The following STAU2 variants were observed in gnomAD, a reference collection of about 807,000 sequenced individuals.
The protein encoded by STAU2 is double-stranded RNA-binding protein Staufen homolog 2.
A neutral mutation model predicts 65.9 loss-of-function variants in STAU2; 20 were observed. The ratio of observed to expected loss-of-function variants is 0.30; its 90% CI spans 0.21 to 0.44. STAU2 has a LOEUF of 0.44. Among genes scored for constraint, STAU2 ranks in the 20% least tolerant of loss-of-function variants. The pLI is 1.00. For synonymous variants in STAU2, 232 were observed against 233.9 expected, an observed-to-expected ratio of 0.99 and a Z score of 0.07; for missense variants, 558 against 683.9, an observed-to-expected ratio of 0.82 and a Z score of 2.05.
chr8:73,476,971 T>C (rs1820355042), intron 13 of STAU2, among the ~76,000 whole-genome samples: 1 of 152,218 alleles, frequency 6.6e-6, no homozygotes, highest in African/African-American at 2.4e-5. Context: ...AATGTGAAGT[T>C]AATTCATTCA....
intron 4 of STAU2, among the ~76,000 whole-genome samples, chr8:73,692,209 T>C (rs1374427261): frequency 6.6e-6 from 1 of 151,970 alleles, no homozygotes; most frequent in Non-Finnish European, 1.5e-5. Flanking sequence ...TTTTTTTTTT[T>C]TTCCCCGGAG....
At chr8:73,454,165 C>T (rs750369908) in intron 13 of STAU2, among the ~76,000 whole-genome samples, 6 of 152,074 alleles carry the variant, frequency 3.9e-5, no homozygotes, top group South Asian at 2.1e-4. Context: ...AAAGGAATTC[C>T]GTTCCCCAAT....
At chr8:73,679,796 GAGA>G (rs1818274484) in intron 5 of STAU2, among the ~76,000 whole-genome samples, 1 of 151,366 alleles carries the variant, frequency 6.6e-6, no homozygotes, top group Non-Finnish European at 1.5e-5. Flanking sequence ...GCTGAGGCAG[GAGA>G]ATTGCTTGAG....
chr8:73,548,068 C>T (rs750609000), intron 13 of STAU2, among the ~76,000 whole-genome samples: 10 of 151,968 alleles, frequency 6.6e-5, no homozygotes, highest in Non-Finnish European at 1.2e-4. Flanking sequence ...GGGACTTGAG[C>T]GTCCATGAAC....
chr8:73,744,791 G>C (rs1807158904), intron 1 of STAU2, among the ~76,000 whole-genome samples: 1 of 152,270 alleles, frequency 6.6e-6, no homozygotes, highest in South Asian at 2.1e-4. Context: ...GTGTGATAGA[G>C]AGCAAATAAT....
chr8:73,602,743 AC>A (rs1256401575), intron 10 of STAU2, among the ~76,000 whole-genome samples: 6 of 151,414 alleles, frequency 4.0e-5, no homozygotes, highest in African/African-American at 1.5e-4. Context: ...AAAAAAAAAA[AC>A]AAAAAATTAA....
intron 12 of STAU2, among the ~76,000 whole-genome samples, chr8:73,562,395 A>G (rs1190761461): frequency 6.6e-6 from 1 of 152,170 alleles, no homozygotes; most frequent in East Asian, 1.9e-4. Context: ...CTGAGGTAGG[A>G]GGATCCCTTG....
At chr8:73,432,732 C>T (rs553953551) in intron 13 of STAU2, among the ~76,000 whole-genome samples, 2 of 152,280 alleles carry the variant, frequency 1.3e-5, no homozygotes, top group South Asian at 4.1e-4. Context: ...ATAGCCTGCA[C>T]TTTTTATTCA....
rs570723948 is a variant in STAU2 at position 73,681,220 on chromosome 8, C to T, written c.274+7434G>A. On this transcript the variant is annotated intron_variant, in intron 5 of 14. Coordinates refer to ENST00000524300, the MANE Select transcript of STAU2 (RefSeq NM_001164380.2). ...AATCTTAAGATCTGTGAGGCAAAAG[C>T]ACCAGGTAACCTATAAAGAAAAACC... Among the ~76,000 whole-genome samples, 46 of 152,162 alleles carry T rather than the reference C, an allele frequency of 3.0e-4. No individual in the cohort carries two copies. In the South Asian group the frequency reaches 9.1e-3, roughly 30 times the overall value.
intron 13 of STAU2, among the ~76,000 whole-genome samples, chr8:73,444,350 G>C (rs1227498087): frequency 1.3e-5 from 2 of 150,268 alleles, no homozygotes; most frequent in Non-Finnish European, 2.9e-5. Flanking sequence ...AGGTTGCAGT[G>C]AGCCGAGATC....
intron 13 of STAU2, among the ~76,000 whole-genome samples, chr8:73,513,907 A>G (rs962633572): frequency 1.3e-5 from 2 of 152,128 alleles, no homozygotes; most frequent in Non-Finnish European, 1.5e-5. Context: ...GGGGGATGGG[A>G]GCACCCGCAG....
At chr8:73,480,682 C>T (rs901967679) in intron 13 of STAU2, among the ~76,000 whole-genome samples, 2 of 152,094 alleles carry the variant, frequency 1.3e-5, no homozygotes, top group Non-Finnish European at 2.9e-5. Flanking sequence ...ACTGTAATTG[C>T]AAACTCAAAT....
At chr8:73,425,182 T>G (rs1816709950) in intron 13 of STAU2, among the ~76,000 whole-genome samples, 1 of 152,202 alleles carries the variant, frequency 6.6e-6, no homozygotes, top group African/African-American at 2.4e-5. Flanking sequence ...GAATGGGGCC[T>G]TATAGAATGT....
intron 12 of STAU2, among the ~76,000 whole-genome samples, chr8:73,554,453 T>C (rs1807569713): frequency 6.6e-6 from 1 of 152,180 alleles, no homozygotes; most frequent in Admixed American, 6.5e-5. Context: ...AGCTAAGGCA[T>C]TGGATGCGTG....
intron 6 of STAU2, among the ~76,000 whole-genome samples, chr8:73,654,488 C>A (rs1310811751): frequency 2.0e-5 from 3 of 150,976 alleles, no homozygotes; most frequent in African/African-American, 7.3e-5. Flanking sequence ...CCCATCTCTA[C>A]AAAAAATAAA....
chr8:73,662,766 G>A (rs1319935815), intron 6 of STAU2, among the ~76,000 whole-genome samples: 1 of 152,042 alleles, frequency 6.6e-6, no homozygotes, highest in African/African-American at 2.4e-5. Context: ...ACAGGCATGC[G>A]CCACCATGCC....
rs546033833 is a variant in STAU2 at position 73,628,071 on chromosome 8, A to T, written c.411-10620T>A. Among the ~76,000 whole-genome samples the T allele has an allele frequency of 1.7e-3, 260 of 149,858 alleles. 1 individual carries two copies. In the Middle Eastern group the frequency reaches 0.02, roughly 12 times the overall value. On this transcript the variant is annotated intron_variant, in intron 6 of 14. Transcript: ENST00000524300. ...AGTTCAAAAACATACAATTTTTTTT[A>T]AAATGTAAGTTTTTTTTTTTTGAAA...
intron 12 of STAU2, among the ~76,000 whole-genome samples, chr8:73,556,194 G>A (rs1471950046): frequency 6.6e-6 from 1 of 152,018 alleles, no homozygotes; most frequent in Non-Finnish European, 1.5e-5. Flanking sequence ...TATATGAACT[G>A]TTTCTTAAAA....
intron 3 of STAU2, among the ~76,000 whole-genome samples, chr8:73,731,060 T>C (rs1410545077): frequency 2.6e-5 from 4 of 152,216 alleles, no homozygotes; most frequent in African/African-American, 9.7e-5. Flanking sequence ...CATACTTTAC[T>C]CTGCATAGTA....
Sources: gnomAD v4.1 joint callset for allele counts (sites outside exome capture counted in the v4.1 genomes callset) on GRCh38, gnomAD v4.1.1 for gene constraint, MANE v1.5 for transcripts, NCBI Gene and HGNC (gene_info 2026-07-23, HGNC 2026-07-21) for gene names.